The following ARHGEF6 variants were observed in gnomAD, a reference collection of about 807,000 sequenced individuals.
The protein encoded by ARHGEF6 is rho guanine nucleotide exchange factor 6.
Under a neutral mutation model 70.3 loss-of-function variants are expected in ARHGEF6, and 9 were observed. That is an observed-to-expected ratio of 0.13 (90% CI 0.08 to 0.22). The LOEUF (loss-of-function observed/expected upper bound fraction) is 0.22. ARHGEF6 is among the 10% of genes least tolerant of loss of function. ARHGEF6 has a pLI of 1.00. For missense variants in ARHGEF6, 470 were observed against 563.0 expected, an observed-to-expected ratio of 0.83 and a Z score of 1.67; for synonymous variants, 201 against 207.8, an observed-to-expected ratio of 0.97 and a Z score of 0.28.
intron 7 of ARHGEF6, 124 bp from the exon 8 acceptor site, chrX:136,708,894 C>A: frequency 2.2e-6 from 1 of 462,282 alleles, no homozygotes; most frequent in South Asian, 2.9e-5. Flanking sequence ...TAATTTATAA[C>A]AACTCTATTG....
chrX:136,741,252 C>T (rs1457131315), intron 5 of ARHGEF6, among the ~76,000 whole-genome samples: 4 of 111,695 alleles, frequency 3.6e-5, no homozygotes, highest in African/African-American at 1.3e-4. Flanking sequence ...CCTTGAACAA[C>T]ATGGGTTTGA....
At chrX:136,774,327 T>G in intron 2 of ARHGEF6, among the ~76,000 whole-genome samples, 1 of 53,582 alleles carries the variant, frequency 1.9e-5, no homozygotes, top group Middle Eastern at 0.012. Flanking sequence ...CATTGGCAAC[T>G]TCACCATGTT....
chrX:136,729,207 C>T (rs1213856933), intron 6 of ARHGEF6, among the ~76,000 whole-genome samples: 2 of 107,263 alleles, frequency 1.9e-5, no homozygotes, highest in Admixed American at 2.0e-4. Context: ...GTGTCTCACA[C>T]CTGTAATCCC....
intron 7 of ARHGEF6, 21 bp downstream of exon 7, chrX:136,713,255 G>T: frequency 3.7e-6 from 4 of 1,074,031 alleles, no homozygotes; most frequent in Non-Finnish European, 5.2e-6. Flanking sequence ...CTTAGTGAGG[G>T]ATTTAAAATA....
chrX:136,668,937 G>A (rs900687426), intron 21 of ARHGEF6, among the ~76,000 whole-genome samples: 7 of 111,042 alleles, frequency 6.3e-5, no homozygotes, highest in East Asian at 2.8e-4. Context: ...CTTTACATTC[G>A]TTTCCTCCTC....
chrX:136,747,543 A>G lies in ARHGEF6; in HGVS notation c.299T>C (p.Leu100Pro). The change falls in exon 3 of 22, where the codon CTG becomes CCG. Residue 100 changes from leucine to proline, a missense_variant. Physicochemically the swap from Leu to Pro is moderately conservative, Grantham distance 98 (BLOSUM62 -3). Around this residue, in one of 3 missense-constraint regions of ARHGEF6, gnomAD observed 379 missense variants for 449.3 expected, o/e 0.84. Coordinates refer to ENST00000250617, the MANE Select transcript of ARHGEF6 (RefSeq NM_004840.3). ...LYSGVNFSKV[L>P]STLLAVNKAT... ...TTTGTTGACAGCTAAAAGAGTACTC[A>G]GTACCTTGGAGAAATTGACCCCTGA... is the stretch of plus-strand genomic sequence containing the variant. 8.3e-7 allele frequency: 1 copy of G among 1,209,782 alleles called. No homozygotes were observed. Among genetic ancestry groups the G allele is most frequent in the South Asian group, 1.8e-5 (1 of 56,894 alleles).
intron 2 of ARHGEF6, among the ~76,000 whole-genome samples, chrX:136,778,561 A>G (rs2148691668): frequency 9.2e-6 from 1 of 108,456 alleles, no homozygotes; most frequent in African/African-American, 3.4e-5. Flanking sequence ...ATCACAGCTC[A>G]CTGCAACCTC....
intron 9 of ARHGEF6, among the ~76,000 whole-genome samples, chrX:136,695,981 T>C (rs1046946472): frequency 1.8e-5 from 2 of 111,799 alleles, no homozygotes; most frequent in Non-Finnish European, 3.8e-5. Context: ...GGTAGGTAGA[T>C]GTTTAAAGGA....
At chrX:136,775,693 C>A (rs1159591188) in intron 2 of ARHGEF6, among the ~76,000 whole-genome samples, 1 of 111,125 alleles carries the variant, frequency 9.0e-6, no homozygotes, top group Admixed American at 9.6e-5. Context: ...GAAGTCCTAG[C>A]CAGAGCAATC....
chrX:136,700,109 G>A (rs753497040), intron 9 of ARHGEF6, among the ~76,000 whole-genome samples: 1 of 111,241 alleles, frequency 9.0e-6, no homozygotes, highest in Non-Finnish European at 1.9e-5. Flanking sequence ...TAACATTATA[G>A]AATGTGTCCC....
At chrX:136,756,155 C>T (rs1464351442) in intron 2 of ARHGEF6, among the ~76,000 whole-genome samples, 1 of 111,592 alleles carries the variant, frequency 9.0e-6, no homozygotes, top group Non-Finnish European at 1.9e-5. Context: ...AAAGAGATAT[C>T]ACTTAGGAAA....
chrX:136,716,890 G>A (rs1043938767), intron 6 of ARHGEF6, among the ~76,000 whole-genome samples: 5 of 111,768 alleles, frequency 4.5e-5, no homozygotes, highest in African/African-American at 1.3e-4. Context: ...TTGAGCTTGA[G>A]AATATGTCAA....
intron 12 of ARHGEF6, among the ~76,000 whole-genome samples, chrX:136,684,673 C>T (rs1569392516): frequency 9.0e-6 from 1 of 110,978 alleles, no homozygotes; most frequent in African/African-American, 3.3e-5. Context: ...ACTACATTAA[C>T]AGCTGCCTAT....
At chrX:136,723,533 C>G (rs1013176488) in intron 6 of ARHGEF6, among the ~76,000 whole-genome samples, 15 of 111,469 alleles carry the variant, frequency 1.3e-4, no homozygotes, top group African/African-American at 4.9e-4. Context: ...TTTTTTAATT[C>G]ATAGAAATGG....
chrX:136,745,369 T>C (rs1213134949), intron 3 of ARHGEF6, 22 bp from the exon 4 acceptor site: 1 of 1,210,412 alleles, frequency 8.3e-7, no homozygotes, highest in South Asian at 1.8e-5. Flanking sequence ...GGAAAAGGCA[T>C]GTTAAAGGAA....
chrX:136,732,198 T>C (rs1274670351), intron 5 of ARHGEF6, 26 bp from the exon 6 acceptor site: 25 of 1,116,540 alleles, frequency 2.2e-5, no homozygotes, highest in Non-Finnish European at 2.9e-5. Flanking sequence ...TTAAATTATG[T>C]TAATATCACA....
At chrX:136,708,609 TAAAAGG>T in intron 8 of ARHGEF6, 60 bp downstream of exon 8, 5 of 991,900 alleles carry the variant, frequency 5.0e-6, no homozygotes, top group Non-Finnish European at 1.4e-6. Flanking sequence ...AGGCAACAGG[TAAAAGG>T]AAAACAAAAC....
chrX:136,767,915 C>T, intron 2 of ARHGEF6: 1 of 517,326 alleles, frequency 1.9e-6, no homozygotes, highest in Non-Finnish European at 2.4e-6. Context: ...GTACCCGCGG[C>T]GGCCACACTG....
intron 18 of ARHGEF6, among the ~76,000 whole-genome samples, chrX:136,675,838 A>T (rs912141488): frequency 1.8e-5 from 2 of 109,944 alleles, no homozygotes; most frequent in African/African-American, 6.7e-5. Flanking sequence ...CCAATTTTCT[A>T]ACCAGTCAGC....
Sources: allele counts gnomAD v4.1 joint callset (sites outside exome capture counted in the v4.1 genomes callset), GRCh38; gene constraint gnomAD v4.1.1; regional missense constraint gnomAD v4.1.1; transcripts MANE v1.5; gene names NCBI Gene and HGNC (gene_info 2026-07-23, HGNC 2026-07-21).